UVRAG: variants seen among roughly 807,000 people sequenced by gnomAD.
UVRAG encodes the protein UV radiation resistance associated.
In UVRAG, 19 loss-of-function variants were observed where a neutral mutation model predicts 78.0. That is an observed-to-expected ratio of 0.24 (90% CI 0.17 to 0.36). The LOEUF (loss-of-function observed/expected upper bound fraction) is 0.36. Among genes scored for constraint, UVRAG ranks in the 10% least tolerant of loss-of-function variants. The pLI, the probability that UVRAG is intolerant of heterozygous loss-of-function variation, is 1.00. For synonymous variants in UVRAG, 323 were observed against 324.6 expected (o/e 1.00, Z 0.05); for missense variants, 740 against 853.8 (o/e 0.87, Z 1.66).
chr11:75,895,965 T>C (rs780785390), intron 5 of UVRAG, among the ~76,000 whole-genome samples: 12 of 152,190 alleles, frequency 7.9e-5, no homozygotes, highest in Non-Finnish European at 1.5e-4. Context: ...AAGACATGGA[T>C]TCAAAATTTA....
Position 76,021,935 on chromosome 11 carries a change from T to A in UVRAG, c.1226+4955T>A, listed in dbSNP as rs11559633. Reference sequence around the variant, plus strand: ...TGAGCGTGGTGGTGTGCACCTATAGTCCCAGCTACTCAAGAAGCTGAGGTG... The same window carrying A: ...TGAGCGTGGTGGTGTGCACCTATAGACCCAGCTACTCAAGAAGCTGAGGTG... On this transcript the variant is annotated intron_variant, in intron 12 of 14. Transcript: ENST00000356136. Among the ~76,000 whole-genome samples, 46 of 152,172 alleles carry A rather than the reference T, an allele frequency of 3.0e-4. 1 individual carries two copies. In the East Asian group the frequency reaches 8.7e-3, roughly 29 times the overall value.
At chr11:75,886,028 T>C (rs568638690) in intron 4 of UVRAG, among the ~76,000 whole-genome samples, 12 of 152,272 alleles carry the variant, frequency 7.9e-5, no homozygotes, top group African/African-American at 2.2e-4. Context: ...ACCATTAACA[T>C]TGATAAACTA....
chr11:76,113,946 C>T (rs1952129792), intron 13 of UVRAG, among the ~76,000 whole-genome samples: 1 of 152,094 alleles, frequency 6.6e-6, no homozygotes, highest in Admixed American at 6.6e-5. Context: ...TAAAATCAGA[C>T]TTGGAGAGAA....
chr11:75,832,358 G>A (rs542121769), intron 1 of UVRAG, among the ~76,000 whole-genome samples: 1 of 152,228 alleles, frequency 6.6e-6, no homozygotes, highest in Non-Finnish European at 1.5e-5. Flanking sequence ...GCTATAAACT[G>A]AAGGTTACCA....
intron 14 of UVRAG, chr11:76,137,047 G>A (rs189609632): frequency 4.6e-5 from 8 of 175,806 alleles, no homozygotes; most frequent in African/African-American, 1.9e-4. Context: ...ATGTAGCTGG[G>A]ATCCTGGAAG....
chr11:76,092,894 A>T (rs1207620787), intron 13 of UVRAG, among the ~76,000 whole-genome samples: 1 of 152,102 alleles, frequency 6.6e-6, no homozygotes, highest in Non-Finnish European at 1.5e-5. Flanking sequence ...GGTGTTTTAG[A>T]CATGAAGTCC....
chr11:75,848,163 C>T (rs1946077170), intron 1 of UVRAG, among the ~76,000 whole-genome samples: 1 of 151,116 alleles, frequency 6.6e-6, no homozygotes, highest in Non-Finnish European at 1.5e-5. Flanking sequence ...TACCACTGTA[C>T]TCCAGCCTGG....
At chr11:75,981,528 G>A (rs754426078) in intron 7 of UVRAG, among the ~76,000 whole-genome samples, 5 of 151,596 alleles carry the variant, frequency 3.3e-5, no homozygotes, top group Admixed American at 6.6e-5. Context: ...ATAGCTTACC[G>A]CAGCCTCAAA....
chr11:75,987,320 G>A (rs1183818610), intron 8 of UVRAG, among the ~76,000 whole-genome samples: 1 of 151,998 alleles, frequency 6.6e-6, no homozygotes, highest in Non-Finnish European at 1.5e-5. Flanking sequence ...GTTTCTCATT[G>A]TAGTTTTGAT....
chr11:76,112,742 T>G (rs2134462005), intron 13 of UVRAG, among the ~76,000 whole-genome samples: 1 of 151,770 alleles, frequency 6.6e-6, no homozygotes, highest in South Asian at 2.1e-4. Flanking sequence ...TTTTTTTTTT[T>G]TGAGACAGGG....
intron 6 of UVRAG, among the ~76,000 whole-genome samples, 157 bp downstream of exon 6, chr11:75,912,196 T>C (rs1442353542): frequency 6.6e-6 from 1 of 152,236 alleles, no homozygotes; most frequent in Non-Finnish European, 1.5e-5. Flanking sequence ...GCTACAGTGA[T>C]TTAAATTTAT....
intron 12 of UVRAG, among the ~76,000 whole-genome samples, chr11:76,057,311 A>G (rs1425022519): frequency 1.3e-5 from 2 of 152,198 alleles, no homozygotes; most frequent in African/African-American, 4.8e-5. Context: ...GAACCAATGG[A>G]TATCTGTTAC....
At chr11:75,933,882 A>C (rs912909899) in intron 6 of UVRAG, among the ~76,000 whole-genome samples, 1 of 152,180 alleles carries the variant, frequency 6.6e-6, no homozygotes, top group Non-Finnish European at 1.5e-5. Context: ...AGAAAAGGGA[A>C]CCCTTGTACA....
intron 11 of UVRAG, among the ~76,000 whole-genome samples, chr11:76,014,353 T>C (rs1205715694): frequency 1.3e-5 from 2 of 152,172 alleles, no homozygotes; most frequent in East Asian, 3.8e-4. Context: ...TTTCTGGAAG[T>C]TTTCAAATCC....
intron 7 of UVRAG, among the ~76,000 whole-genome samples, chr11:75,976,783 G>C (rs570252995): frequency 6.6e-6 from 1 of 151,764 alleles, no homozygotes; most frequent in African/African-American, 2.4e-5. Flanking sequence ...TCTTGCTAGC[G>C]GTCTGTCAAT....
intron 4 of UVRAG, 109 bp downstream of exon 4, chr11:75,880,149 A>G (rs1946904506): frequency 1.5e-6 from 2 of 1,310,762 alleles, no homozygotes; most frequent in Admixed American, 4.4e-5. Flanking sequence ...AGAGACTTTT[A>G]TGACTGTTTA....
intron 7 of UVRAG, among the ~76,000 whole-genome samples, chr11:75,963,838 T>C (rs1948959387): frequency 6.6e-6 from 1 of 152,152 alleles, no homozygotes; most frequent in Non-Finnish European, 1.5e-5. Context: ...TTTTGTTTGT[T>C]TGTTTTGAGG....
At chr11:75,978,839 G>A (rs1460045029) in intron 7 of UVRAG, among the ~76,000 whole-genome samples, 3 of 152,122 alleles carry the variant, frequency 2.0e-5, no homozygotes, top group Non-Finnish European at 2.9e-5. Flanking sequence ...GGAGAATTTT[G>A]TTATTACCGA....
chr11:75,862,626 C>T (rs1302849734), intron 3 of UVRAG, among the ~76,000 whole-genome samples: 1 of 152,242 alleles, frequency 6.6e-6, no homozygotes, highest in Non-Finnish European at 1.5e-5. Context: ...GTTCGCTTGA[C>T]TGAAGAGGTC....
Sources: allele counts gnomAD v4.1 joint callset (sites outside exome capture counted in the v4.1 genomes callset), GRCh38; gene constraint gnomAD v4.1.1; transcripts MANE v1.5; gene names NCBI Gene and HGNC (gene_info 2026-07-23, HGNC 2026-07-21).